DYNC1I1: variants seen among roughly 807,000 people sequenced by gnomAD.
The protein encoded by DYNC1I1 is cytoplasmic dynein 1 intermediate chain 1.
A neutral mutation model predicts 86.6 loss-of-function variants in DYNC1I1; 43 were observed. That is an observed-to-expected ratio of 0.50 (90% confidence interval 0.39 to 0.64). The LOEUF is 0.64. Among genes scored for constraint, DYNC1I1 ranks in the 30% least tolerant of loss-of-function variants. The probability of loss-of-function intolerance (pLI) is 0.00; values close to 1 mark genes in which losing one functional copy is unlikely to be tolerated. For synonymous variants in DYNC1I1, 262 were observed against 283.7 expected, an observed-to-expected ratio of 0.92 and a Z score of 0.77; for missense variants, 604 against 788.8, an observed-to-expected ratio of 0.77 and a Z score of 2.81.
chr7:95,820,419 C>T (rs1173223028), intron 4 of DYNC1I1, among the ~76,000 whole-genome samples: 7 of 152,172 alleles, frequency 4.6e-5, no homozygotes, highest in South Asian at 2.1e-4. Context: ...AGATATTTAG[C>T]GATGGCATTG....
intron 6 of DYNC1I1, among the ~76,000 whole-genome samples, chr7:95,895,715 A>C (rs1449511108): frequency 6.6e-6 from 1 of 152,224 alleles, no homozygotes; most frequent in East Asian, 1.9e-4. Context: ...GCAAGTAATA[A>C]GTCATTAGCA....
rs188667125 is a variant in DYNC1I1 at position 95,958,511 on chromosome 7, T to C, written c.491-19001T>C. Among the ~76,000 whole-genome samples, 117 of 152,092 alleles carry C rather than the reference T, an allele frequency of 7.7e-4. 1 individual carries two copies. The East Asian group carries it at 0.016, about 20-fold the overall frequency. ...AGGAGATCAAGGCTGCAGTGAGCTG[T>C]GGTCATGCCACTATACTCTGGCCTG... On this transcript the variant is annotated intron_variant, in intron 6 of 16. Transcript: ENST00000447467.
In DYNC1I1 at chr7:95,945,116, G is replaced by T. The variant is rs1584187730; in HGVS notation, c.491-32396G>T. On this transcript the variant is annotated intron_variant, in intron 6 of 16. Transcript: ENST00000447467. ...AACCATTTTTTAATACAAATGTTTT[G>T]AGGATAGTGTGATGTTAATCAGATG... 2.6e-5 allele frequency among the ~76,000 whole-genome samples: 4 copies of T among 151,926 alleles called. 1 individual carries two copies. In the South Asian group the frequency reaches 8.3e-4, roughly 32 times the overall value.
intron 5 of DYNC1I1, among the ~76,000 whole-genome samples, chr7:95,863,675 CT>C (rs991888865): frequency 1.2e-4 from 19 of 152,148 alleles, no homozygotes; most frequent in African/African-American, 4.3e-4. Flanking sequence ...TAGAAAGTTT[CT>C]TTGAAATCTA....
At chr7:95,777,035 C>T (rs1298744578) in intron 1 of DYNC1I1, among the ~76,000 whole-genome samples, 1 of 152,160 alleles carries the variant, frequency 6.6e-6, no homozygotes, top group Non-Finnish European at 1.5e-5. Context: ...TTCTTCTCTT[C>T]CTACCATAGC....
chr7:95,885,210 C>T (rs1790562315), intron 6 of DYNC1I1, among the ~76,000 whole-genome samples: 1 of 152,056 alleles, frequency 6.6e-6, no homozygotes, highest in African/African-American at 2.4e-5. Flanking sequence ...GTCTGTTGCT[C>T]AGGCTGGAGT....
chr7:95,997,493 AACTG>A (rs1793895392), intron 10 of DYNC1I1, among the ~76,000 whole-genome samples: 1 of 151,974 alleles, frequency 6.6e-6, no homozygotes, highest in African/African-American at 2.4e-5. Context: ...TAATTATATT[AACTG>A]ACTACAGGTT....
chr7:95,806,788 C>T (rs1165919446), intron 2 of DYNC1I1, among the ~76,000 whole-genome samples: 1 of 152,144 alleles, frequency 6.6e-6, no homozygotes, highest in African/African-American at 2.4e-5. Flanking sequence ...CACCCATCTC[C>T]CCTCAAAGAG....
intron 14 of DYNC1I1, among the ~76,000 whole-genome samples, chr7:96,075,793 C>G (rs1166046692): frequency 6.6e-6 from 1 of 152,148 alleles, no homozygotes; most frequent in Non-Finnish European, 1.5e-5. Context: ...TCTGGAATGT[C>G]TCATACAACT....
At chr7:96,097,316 A>C (rs1791044118) in intron 16 of DYNC1I1, among the ~76,000 whole-genome samples, 167 bp from the exon 17 acceptor site, 1 of 152,020 alleles carries the variant, frequency 6.6e-6, no homozygotes, top group African/African-American at 2.4e-5. Context: ...TAAGAGCAAC[A>C]CCTCAGGCCC....
intron 6 of DYNC1I1, among the ~76,000 whole-genome samples, chr7:95,975,610 G>T (rs1263675883): frequency 6.6e-6 from 1 of 152,084 alleles, no homozygotes; most frequent in Admixed American, 6.6e-5. Flanking sequence ...TTCAAATAAG[G>T]CCACATTCTG....
intron 1 of DYNC1I1, among the ~76,000 whole-genome samples, chr7:95,792,542 A>G (rs1033132873): frequency 1.1e-4 from 17 of 152,156 alleles, no homozygotes; most frequent in Non-Finnish European, 2.1e-4. Flanking sequence ...TGGCCAGTCA[A>G]TGTTTTCCCC....
chr7:95,856,349 C>T (rs1050422341), intron 5 of DYNC1I1, among the ~76,000 whole-genome samples: 3 of 152,202 alleles, frequency 2.0e-5, no homozygotes. Context: ...TGGAATACCT[C>T]CTGAAGGACC....
At chr7:95,934,952 T>TTGTGTG (rs145382652) in intron 6 of DYNC1I1, among the ~76,000 whole-genome samples, 2 of 148,978 alleles carry the variant, frequency 1.3e-5, no homozygotes, top group South Asian at 2.1e-4. Context: ...GTTTTTTGTT[T>TTGTGTG]TGTGTGTGTG....
At chr7:95,846,661 G>GTGTGTGTGTGTGTGTT (rs1789440389) in intron 5 of DYNC1I1, among the ~76,000 whole-genome samples, 1 of 151,616 alleles carries the variant, frequency 6.6e-6, no homozygotes, top group Non-Finnish European at 1.5e-5. Flanking sequence ...GTGTGTGTGT[G>GTGTGTGTGTGTGTGTT]TGTGTGACGA....
At chr7:96,069,648 T>A (rs1790103739) in intron 14 of DYNC1I1, among the ~76,000 whole-genome samples, 1 of 152,236 alleles carries the variant, frequency 6.6e-6, no homozygotes, top group Non-Finnish European at 1.5e-5. Flanking sequence ...CTTTTATGAA[T>A]TAAGCAAAGC....
At chr7:95,903,228 TAAG>T (rs1216119904) in intron 6 of DYNC1I1, among the ~76,000 whole-genome samples, 1 of 152,206 alleles carries the variant, frequency 6.6e-6, no homozygotes, top group Non-Finnish European at 1.5e-5. Flanking sequence ...AGGTGGGAAA[TAAG>T]AACATATTTA....
chr7:95,818,514 A>G lies in DYNC1I1; in HGVS notation c.314+5177A>G, dbSNP rs1042225790. On this transcript the variant is annotated intron_variant, in intron 4 of 16. Coordinates refer to ENST00000447467, the MANE Select transcript of DYNC1I1 (RefSeq NM_001135556.2). ...TTTTTTGTAGAGACGAAGCATTGCT[A>G]TATTCCCCAGGCTGGTCTTGAACTT... 2.1e-4 allele frequency: 135 copies of G among 629,248 alleles called. 1 individual carries two copies. The highest frequency in any genetic ancestry group is 2.9e-5 in the Non-Finnish European group (10 of 350,282). The allele number at this position is 629,248 out of a possible 1,614,324, so 39.0% of individuals were successfully genotyped here. A position where few individuals can be genotyped will look rare whatever the true frequency, so the allele number is the denominator to read the frequency against.
At chr7:95,860,507 T>G (rs1789848862) in intron 5 of DYNC1I1, among the ~76,000 whole-genome samples, 1 of 152,196 alleles carries the variant, frequency 6.6e-6, no homozygotes, top group Non-Finnish European at 1.5e-5. Flanking sequence ...TTAATAAATA[T>G]TATTTTATCC....
Sources: allele counts gnomAD v4.1 joint callset (sites outside exome capture counted in the v4.1 genomes callset), GRCh38; gene constraint gnomAD v4.1.1; transcripts MANE v1.5; gene names NCBI Gene and HGNC (gene_info 2026-07-23, HGNC 2026-07-21).